The following LIN7A variants were observed in gnomAD, a reference collection of about 807,000 sequenced individuals.
LIN7A encodes protein lin-7 homolog A.
A neutral mutation model predicts 29.8 loss-of-function variants in LIN7A; 25 were observed. The observed-to-expected ratio is 0.84, with a 90% CI of 0.61 to 1.17. LIN7A has a LOEUF of 1.17. LIN7A is among the 50% of genes most tolerant of loss of function. The probability of loss-of-function intolerance (pLI) is 0.00; values close to 1 mark genes in which losing one functional copy is unlikely to be tolerated. For synonymous variants in LIN7A, 118 were observed against 107.5 expected (o/e 1.10, Z -0.60); for missense variants, 239 against 287.0 (o/e 0.83, Z 1.21).
At chr12:80,883,984 G>T (rs1163677) in intron 2 of LIN7A, among the ~76,000 whole-genome samples, 103,417 of 151,932 alleles carry the variant, frequency 0.68, 39,129 homozygotes, top group Non-Finnish European at 0.87. Flanking sequence ...ACTCCAAATA[G>T]TTCTCCTATC....
intron 2 of LIN7A, among the ~76,000 whole-genome samples, chr12:80,851,379 A>G (rs1873325870): frequency 6.6e-6 from 1 of 151,754 alleles, no homozygotes; most frequent in Non-Finnish European, 1.5e-5. Context: ...TGTCTACAAA[A>G]CACAATAGAT....
chr12:80,864,990 CA>C (rs1174989120), intron 2 of LIN7A, among the ~76,000 whole-genome samples: 2 of 152,178 alleles, frequency 1.3e-5, no homozygotes, highest in Non-Finnish European at 2.9e-5. Flanking sequence ...TAAATGCTAT[CA>C]ATTCATGTAA....
At chr12:80,916,693 C>T (rs2120843067) in intron 1 of LIN7A, among the ~76,000 whole-genome samples, 1 of 152,244 alleles carries the variant, frequency 6.6e-6, no homozygotes, top group African/African-American at 2.4e-5. Flanking sequence ...TACAAAAGAG[C>T]ATACAGGTGC....
At chr12:80,812,555 T>C (rs1420096522) in intron 4 of LIN7A, among the ~76,000 whole-genome samples, 2 of 151,862 alleles carry the variant, frequency 1.3e-5, no homozygotes, top group Non-Finnish European at 2.9e-5. Context: ...TTATTTGCCC[T>C]TTTTTGTTTT....
In LIN7A at chr12:80,867,682, G is replaced by A. The variant is rs1023727115; in HGVS notation, c.202-19360C>T. 3.9e-5 allele frequency among the ~76,000 whole-genome samples: 6 copies of A among 152,168 alleles called. No individual in the cohort carries two copies. In the South Asian group the frequency reaches 1.2e-3, roughly 31 times the overall value. On this transcript the variant is annotated intron_variant, in intron 2 of 5. Transcript: ENST00000552864. ...CATAATAATGAGACATCATGAAGAT[G>A]ACAGGGTTCAGAGGAATATCAACCA...
intron 2 of LIN7A, among the ~76,000 whole-genome samples, chr12:80,854,471 T>C (rs1458838476): frequency 1.9e-5 from 2 of 106,580 alleles, no homozygotes; most frequent in East Asian, 2.7e-4. Context: ...GAATCTGAAA[T>C]GCATGTTGCT....
At chr12:80,885,741 G>A (rs571689057) in intron 2 of LIN7A, among the ~76,000 whole-genome samples, 1 of 152,018 alleles carries the variant, frequency 6.6e-6, no homozygotes, top group East Asian at 1.9e-4. Context: ...AAATAGTTAA[G>A]GGAGCTTCAA....
At chr12:80,829,312 A>G (rs1328760224) in intron 4 of LIN7A, among the ~76,000 whole-genome samples, 2 of 152,200 alleles carry the variant, frequency 1.3e-5, no homozygotes, top group Non-Finnish European at 2.9e-5. Flanking sequence ...CCTCAGTCAC[A>G]ATGTAATGCC....
At chr12:80,821,234 T>G (rs1871792479) in intron 4 of LIN7A, among the ~76,000 whole-genome samples, 1 of 152,152 alleles carries the variant, frequency 6.6e-6, no homozygotes, top group Non-Finnish European at 1.5e-5. Flanking sequence ...GTTGCTTATA[T>G]TAACAGTGTG....
At chr12:80,800,126 T>A (rs1329661789) in intron 5 of LIN7A, among the ~76,000 whole-genome samples, 1 of 152,058 alleles carries the variant, frequency 6.6e-6, no homozygotes, top group Non-Finnish European at 1.5e-5. Context: ...AAAAGCATAG[T>A]AAAAAAATAC....
At chr12:80,902,215 G>GTT (rs1302986896) in intron 1 of LIN7A, among the ~76,000 whole-genome samples, 38 of 78,890 alleles carry the variant, frequency 4.8e-4, no homozygotes, top group African/African-American at 1.5e-3. Context: ...ATTGGTCTAT[G>GTT]TGTTTTTTTT....
At chr12:80,899,765 C>CATTTT (rs1876100441) in intron 1 of LIN7A, among the ~76,000 whole-genome samples, 3 of 109,992 alleles carry the variant, frequency 2.7e-5, no homozygotes, top group Non-Finnish European at 5.9e-5. Context: ...TTCTTTTTTT[C>CATTTT]TTTTCTTTTT....
chr12:80,848,001 T>C (rs1471074775), intron 3 of LIN7A: 3 of 582,576 alleles, frequency 5.1e-6, no homozygotes, highest in Non-Finnish European at 9.5e-6. Context: ...GTAGATTTGC[T>C]TGTGCCAAAT....
intron 5 of LIN7A, among the ~76,000 whole-genome samples, chr12:80,798,396 G>A (rs558944398): frequency 1.3e-5 from 2 of 152,164 alleles, no homozygotes; most frequent in East Asian, 3.9e-4. Flanking sequence ...ATTGAAAACA[G>A]ATTTTAACAA....
chr12:80,888,804 A>C (rs201402077), intron 2 of LIN7A, among the ~76,000 whole-genome samples: 2 of 152,282 alleles, frequency 1.3e-5, no homozygotes, highest in East Asian at 3.9e-4. Context: ...AGAAAGGCAT[A>C]CCAGCCTATC....
rs1283849453 is a variant in LIN7A at position 80,873,785 on chromosome 12, C to T, written c.201+15466G>A. On this transcript the variant is annotated intron_variant, in intron 2 of 5. Coordinates refer to ENST00000552864, the MANE Select transcript of LIN7A (RefSeq NM_004664.4). ...TCTCTAATCCCTCACCTGGACTATT[C>T]TAAGGTAAATGGTATCTTATATTTT... Among the ~76,000 whole-genome samples, 2 of 150,826 alleles carry T rather than the reference C, an allele frequency of 1.3e-5. 1 individual carries two copies. Among genetic ancestry groups the T allele is most frequent in the Non-Finnish European group, 2.9e-5 (2 of 67,834 alleles).
rs552139140 is a variant in LIN7A, at chr12:80,865,985, G to C, written c.202-17663C>G. 3.9e-5 allele frequency among the ~76,000 whole-genome samples: 6 copies of C among 152,142 alleles called. No individual in the cohort carries two copies. The South Asian group carries it at 1.2e-3, about 32-fold the overall frequency. On this transcript the variant is annotated intron_variant, in intron 2 of 5. Transcript: ENST00000552864. ...TCAGACAAGAGGTAAGGTATTAAAG[G>C]GCCTTAATCAAGGATTCAGCAGTGG...
Position 80,834,838 on chromosome 12 carries a change from T to G in LIN7A, c.483+10892A>C, listed in dbSNP as rs1872538081. On this transcript the variant is annotated intron_variant, in intron 4 of 5. Coordinates refer to ENST00000552864, the MANE Select transcript of LIN7A (RefSeq NM_004664.4). ...GGAAAATTATATAAACCCTTAGACT[T>G]ACACTTGGCTTGCATTTCACTAGGT... Among the ~76,000 whole-genome samples, 4 of 152,204 alleles carry G rather than the reference T, an allele frequency of 2.6e-5. No homozygotes were observed. The South Asian group carries it at 6.2e-4, about 24-fold the overall frequency.
chr12:80,883,823 T>C (rs138484760), intron 2 of LIN7A, among the ~76,000 whole-genome samples: 1 of 152,330 alleles, frequency 6.6e-6, no homozygotes, highest in Non-Finnish European at 1.5e-5. Flanking sequence ...CACTACTCTA[T>C]GAACTTAGCT....
Sources: gnomAD v4.1 joint callset for allele counts (sites outside exome capture counted in the v4.1 genomes callset) on GRCh38, gnomAD v4.1.1 for gene constraint, MANE v1.5 for transcripts, NCBI Gene and HGNC (gene_info 2026-07-23, HGNC 2026-07-21) for gene names.